The following URM1 variants were observed in gnomAD, a reference collection of about 807,000 sequenced individuals.
The protein encoded by URM1 is ubiquitin-related modifier 1.
In URM1, 11 loss-of-function variants were observed where a neutral mutation model predicts 17.7. The observed-to-expected ratio is 0.62, with a 90% CI of 0.39 to 1.03. The LOEUF (loss-of-function observed/expected upper bound fraction) is 1.03. URM1 is among the 50% of genes least tolerant of loss of function. The probability of loss-of-function intolerance (pLI) is 0.00; values close to 1 mark genes in which losing one functional copy is unlikely to be tolerated. For synonymous variants in URM1, 48 were observed against 50.6 expected, an observed-to-expected ratio of 0.95 and a Z score of 0.22; for missense variants, 128 against 129.2, an observed-to-expected ratio of 0.99 and a Z score of 0.04.
chr9:128,389,435 A>G (rs1409418422), intron 4 of URM1, 126 bp downstream of exon 4: 1 of 1,587,844 alleles, frequency 6.3e-7, no homozygotes, highest in East Asian at 2.3e-5. Context: ...CCAGCCCCAC[A>G]CTGAGGCTGC....
chr9:128,388,695 C>T, intron 3 of URM1: 1 of 986,390 alleles, frequency 1.0e-6, no homozygotes, highest in Non-Finnish European at 1.2e-6. Context: ...AAATGTTGAC[C>T]TACCCTGCCT....
At chr9:128,378,398 A>G (rs150126637) in intron 2 of URM1, among the ~76,000 whole-genome samples, 12,439 of 150,790 alleles carry the variant, frequency 0.082, 711 homozygotes, top group East Asian at 0.18. Context: ...TTAGCTGGGC[A>G]TGGTGGCGCG....
intron 3 of URM1, 163 bp downstream of exon 3, chr9:128,388,060 A>G (rs1564413214): frequency 5.9e-6 from 8 of 1,360,236 alleles, no homozygotes; most frequent in Admixed American, 3.2e-5. Context: ...TTGTTACTAA[A>G]CCGAACTCTT....
In URM1 at chr9:128,389,910, A is replaced by C; in HGVS notation, c.*176A>C. The C allele has an allele frequency of 1.2e-6, 1 of 813,394 alleles. No homozygotes were observed. The highest frequency in any genetic ancestry group is 1.9e-6 in the Non-Finnish European group (1 of 531,644). 50.4% of individuals were successfully genotyped at this position (813,394 alleles called of 1,614,324 possible). Reference sequence around the variant, plus strand: ...AGGTGCTAAAAATGAGCCTTTCTCAAGCACGTGAGCAGCGGAAGGCAGACA... The same window carrying C: ...AGGTGCTAAAAATGAGCCTTTCTCACGCACGTGAGCAGCGGAAGGCAGACA... On this transcript the variant is annotated 3_prime_UTR_variant, in exon 5 of 5. Transcript: ENST00000372853.
intron 1 of URM1, among the ~76,000 whole-genome samples, chr9:128,372,496 A>G (rs1833026292): frequency 6.6e-6 from 1 of 152,184 alleles, no homozygotes; most frequent in African/African-American, 2.4e-5. Flanking sequence ...AGCAAGCCAG[A>G]CACTGAGGAT....
intron 1 of URM1, among the ~76,000 whole-genome samples, chr9:128,375,065 T>C (rs1833059897): frequency 6.6e-6 from 1 of 152,210 alleles, no homozygotes; most frequent in African/African-American, 2.4e-5. Context: ...CTCTCTAACC[T>C]TGGACAAGTT....
chr9:128,385,538 G>A (rs907182674), intron 2 of URM1, among the ~76,000 whole-genome samples: 7 of 152,146 alleles, frequency 4.6e-5, no homozygotes, highest in African/African-American at 1.7e-4. Flanking sequence ...GTGGGAAGGT[G>A]AAAGTGAGAG....
Position 128,382,063 on chromosome 9 carries a change from A to C in URM1, c.106+3957A>C, listed in dbSNP as rs541393017. ...AAGTAGGGAGGCTGGGCTGGGACTC[A>C]GATTTTTTTATCCTTCATCTTCCAG... On this transcript the variant is annotated intron_variant, in intron 2 of 4. Transcript: ENST00000372853. Among the ~76,000 whole-genome samples, 13 of 152,326 alleles carry C rather than the reference A, an allele frequency of 8.5e-5. No homozygotes were observed. In the South Asian group the frequency reaches 1.7e-3, roughly 19 times the overall value.
At chr9:128,380,731 G>C (rs1833148705) in intron 2 of URM1, among the ~76,000 whole-genome samples, 1 of 151,610 alleles carries the variant, frequency 6.6e-6, no homozygotes, top group African/African-American at 2.4e-5. Context: ...CACCTCCTGG[G>C]TTCAAGCAAT....
At chr9:128,384,129 A>G (rs1316829672) in intron 2 of URM1, among the ~76,000 whole-genome samples, 1 of 152,184 alleles carries the variant, frequency 6.6e-6, no homozygotes, top group African/African-American at 2.4e-5. Context: ...AGACAGCAAG[A>G]TGAAGTGACT....
rs140546523 is a variant in URM1 at position 128,378,329 on chromosome 9, G to A, written c.106+223G>A. 4.4e-3 allele frequency among the ~76,000 whole-genome samples: 676 copies of A among 151,914 alleles called. 18 individuals carry two copies. The East Asian group carries it at 0.089, about 20-fold the overall frequency. ...CAAGGTGGGTGGATCACAAGGTCAG[G>A]AGTTCGAGACCAGCCTGGCCAACAT... On this transcript the variant is annotated intron_variant, in intron 2 of 4. Transcript: ENST00000372853.
intron 2 of URM1, among the ~76,000 whole-genome samples, chr9:128,384,235 C>T (rs1248408174): frequency 6.6e-6 from 1 of 152,236 alleles, no homozygotes; most frequent in Non-Finnish European, 1.5e-5. Flanking sequence ...TCATTGCCTG[C>T]TCTGCCCCCG....
intron 3 of URM1, 165 bp downstream of exon 3, chr9:128,388,062 C>T (rs922626696): frequency 3.5e-5 from 47 of 1,358,394 alleles, no homozygotes; most frequent in African/African-American, 2.9e-4. Context: ...GTTACTAAAC[C>T]GAACTCTTGA....
chr9:128,385,256 C>T (rs1036312633), intron 2 of URM1, among the ~76,000 whole-genome samples: 10 of 152,230 alleles, frequency 6.6e-5, no homozygotes, highest in Middle Eastern at 3.4e-3. Flanking sequence ...CCTTCAGACC[C>T]GAGCTTCACT....
At chr9:128,373,926 G>A (rs180993534) in intron 1 of URM1, among the ~76,000 whole-genome samples, 1 of 152,200 alleles carries the variant, frequency 6.6e-6, no homozygotes, top group African/African-American at 2.4e-5. Context: ...GTATATGTAT[G>A]TGTATATACA....
intron 4 of URM1, 135 bp downstream of exon 4, chr9:128,389,444 G>A (rs370075954): frequency 6.3e-7 from 1 of 1,580,708 alleles, no homozygotes; most frequent in Non-Finnish European, 8.6e-7. Flanking sequence ...CACTGAGGCT[G>A]CTGGAGTCTC....
At chr9:128,382,583 G>T (rs1833174143) in intron 2 of URM1, among the ~76,000 whole-genome samples, 1 of 152,184 alleles carries the variant, frequency 6.6e-6, no homozygotes, top group Non-Finnish European at 1.5e-5. Flanking sequence ...TGATGAGCAA[G>T]GCCTGAGGGA....
chr9:128,389,364 G>C, intron 4 of URM1, 55 bp downstream of exon 4: 1 of 1,613,844 alleles, frequency 6.2e-7, no homozygotes, highest in South Asian at 1.1e-5. Context: ...TGCTTCAGTG[G>C]GAAAGCGTTG....
chr9:128,389,847 C>T lies in URM1; in HGVS notation c.*113C>T, dbSNP rs41276664. The stretch of plus-strand genomic sequence containing the variant: ...CCCCTTGCCTGCCTTCTTCCCTGCT[C>T]TGTCCCCTAAGCTCCCTCCAGGCAG... On this transcript the variant is annotated 3_prime_UTR_variant, in exon 5 of 5. Transcript: ENST00000372853. 6 of 1,437,626 alleles carry T rather than the reference C, an allele frequency of 4.2e-6. No individual in the cohort carries two copies. In the Admixed American group the frequency reaches 8.3e-5, roughly 20 times the overall value. The allele number at this position is 1,437,626 out of a possible 1,614,324, so 89.1% of individuals were successfully genotyped here.
Sources: gnomAD v4.1 joint callset for allele counts (sites outside exome capture counted in the v4.1 genomes callset) on GRCh38, gnomAD v4.1.1 for gene constraint, MANE v1.5 for transcripts, NCBI Gene and HGNC (gene_info 2026-07-23, HGNC 2026-07-21) for gene names.